Variants in SPAG16 observed in about 807,000 individuals in gnomAD.
SPAG16 encodes the protein sperm associated antigen 16.
SPAG16 carries 86 observed loss-of-function variants against 80.4 expected under a neutral mutation model. The observed-to-expected ratio is 1.07, with a 90% confidence interval of 0.90 to 1.28. The LOEUF is 1.28. SPAG16 is among the 50% of genes most tolerant of loss of function. SPAG16 has a pLI of 0.00. For synonymous variants in SPAG16, 294 were observed against 265.9 expected, an observed-to-expected ratio of 1.11 and a Z score of -1.03; for missense variants, 870 against 765.3, an observed-to-expected ratio of 1.14 and a Z score of -1.61.
intron 9 of SPAG16, among the ~76,000 whole-genome samples, chr2:213,435,493 T>C (rs1186547964): frequency 1.3e-5 from 2 of 152,184 alleles, no homozygotes; most frequent in Non-Finnish European, 2.9e-5. Context: ...TTACATGATA[T>C]ATCCATGTAA....
chr2:213,361,163 A>T (rs184727248), intron 7 of SPAG16, among the ~76,000 whole-genome samples: 1 of 152,110 alleles, frequency 6.6e-6, no homozygotes, highest in Non-Finnish European at 1.5e-5. Context: ...ACAGTGAATC[A>T]ACATTTATTT....
At chr2:213,395,383 T>C (rs183623694) in intron 9 of SPAG16, among the ~76,000 whole-genome samples, 1 of 152,332 alleles carries the variant, frequency 6.6e-6, no homozygotes, top group African/African-American at 2.4e-5. Context: ...CTCAGCATTG[T>C]TTTTGCTGAA....
intron 11 of SPAG16, among the ~76,000 whole-genome samples, chr2:213,907,475 C>A (rs1380807988): frequency 4.8e-5 from 7 of 145,940 alleles, no homozygotes; most frequent in Admixed American, 6.8e-5. Flanking sequence ...GGAGGTTTCT[C>A]AAAAAAAAAA....
At position 213,788,900 on chromosome 2, in the gene SPAG16, T is replaced by C. The variant is rs556317862; in HGVS notation, c.1071-73585T>C. Reference sequence around the variant, plus strand: ...TTCTCAAATTATTGTGCAATTTCCATAGGTAGAATCTTTCCATTTATATTA... The same window carrying C: ...TTCTCAAATTATTGTGCAATTTCCACAGGTAGAATCTTTCCATTTATATTA... On this transcript the variant is annotated intron_variant, in intron 10 of 15. Coordinates refer to ENST00000331683, the MANE Select transcript of SPAG16 (RefSeq NM_024532.5). Among the ~76,000 whole-genome samples the C allele has an allele frequency of 3.9e-4, 60 of 152,030 alleles. 1 individual carries two copies. The highest frequency in any genetic ancestry group is 1.4e-3 in the African/African-American group (59 of 41,552).
intron 10 of SPAG16, among the ~76,000 whole-genome samples, chr2:213,581,628 C>T (rs959116105): frequency 6.6e-6 from 1 of 152,104 alleles, no homozygotes; most frequent in Non-Finnish European, 1.5e-5. Context: ...GTCTCCACAT[C>T]TCATTCCCAG....
At chr2:213,547,279 A>C (rs1198366087) in intron 10 of SPAG16, among the ~76,000 whole-genome samples, 1 of 152,144 alleles carries the variant, frequency 6.6e-6, no homozygotes, top group African/African-American at 2.4e-5. Context: ...CAATTGTTCC[A>C]GTAAAAATAG....
chr2:214,246,329 C>G (rs1253175831), intron 15 of SPAG16, among the ~76,000 whole-genome samples: 1 of 152,118 alleles, frequency 6.6e-6, no homozygotes, highest in Admixed American at 6.6e-5. Context: ...CCAACATTCT[C>G]TTCCACAATG....
intron 15 of SPAG16, chr2:214,280,967 A>C (rs1576668307): frequency 4.5e-6 from 2 of 448,010 alleles, no homozygotes; most frequent in Middle Eastern, 1.5e-3. Context: ...CCTTGCTTTC[A>C]GAATCATAAC....
chr2:214,130,540 G>C (rs911669407), intron 14 of SPAG16, among the ~76,000 whole-genome samples: 5 of 152,214 alleles, frequency 3.3e-5, no homozygotes, highest in African/African-American at 7.2e-5. Flanking sequence ...TCGCTCTTCA[G>C]ATGTGGAGTA....
At chr2:213,626,804 C>T (rs1251004380) in intron 10 of SPAG16, among the ~76,000 whole-genome samples, 2 of 151,942 alleles carry the variant, frequency 1.3e-5, no homozygotes, top group Admixed American at 1.3e-4. Flanking sequence ...CATGCCACCA[C>T]ACCTGGCTAC....
At chr2:213,504,706 G>A (rs2074889472) in intron 10 of SPAG16, among the ~76,000 whole-genome samples, 1 of 152,176 alleles carries the variant, frequency 6.6e-6, no homozygotes, top group African/African-American at 2.4e-5. Flanking sequence ...CTATAAAACT[G>A]TATGTTCTAT....
At chr2:213,403,197 ATG>A in intron 9 of SPAG16, among the ~76,000 whole-genome samples, 1 of 152,210 alleles carries the variant, frequency 6.6e-6, no homozygotes, top group African/African-American at 2.4e-5. Context: ...AGCATTTTTC[ATG>A]TGTTTTTTGG....
intron 7 of SPAG16, among the ~76,000 whole-genome samples, chr2:213,363,183 G>A (rs2066082797): frequency 6.6e-6 from 1 of 151,992 alleles, no homozygotes; most frequent in Admixed American, 6.5e-5. Context: ...GATGTTAATG[G>A]GGGAAAAAGG....
chr2:214,057,803 A>G (rs1019477969), intron 13 of SPAG16, among the ~76,000 whole-genome samples: 34 of 152,220 alleles, frequency 2.2e-4, no homozygotes, highest in Admixed American at 3.3e-4. Flanking sequence ...TCTTCTAGAT[A>G]ACTTGCTGCA....
At chr2:214,029,479 G>A (rs1032894532) in intron 13 of SPAG16, among the ~76,000 whole-genome samples, 10 of 152,154 alleles carry the variant, frequency 6.6e-5, no homozygotes, top group Admixed American at 1.3e-4. Context: ...ACTAGTGGGC[G>A]GGGAGAGGGG....
At chr2:213,612,788 A>T (rs936959366) in intron 10 of SPAG16, among the ~76,000 whole-genome samples, 2 of 152,036 alleles carry the variant, frequency 1.3e-5, no homozygotes, top group African/African-American at 4.8e-5. Flanking sequence ...GGTTCAAGCG[A>T]TTCTCCTGCC....
chr2:213,603,742 A>G (rs2061152936), intron 10 of SPAG16, among the ~76,000 whole-genome samples: 2 of 152,220 alleles, frequency 1.3e-5, no homozygotes, highest in African/African-American at 2.4e-5. Flanking sequence ...TATAGAATAA[A>G]ATCCAAACTC....
At chr2:213,792,015 T>G (rs1559472439) in intron 10 of SPAG16, among the ~76,000 whole-genome samples, 2 of 152,206 alleles carry the variant, frequency 1.3e-5, no homozygotes, top group Non-Finnish European at 2.9e-5. Flanking sequence ...ACAAGATAGC[T>G]TCCCAAGCCA....
intron 15 of SPAG16, among the ~76,000 whole-genome samples, chr2:214,193,426 T>TGAGA (rs55774604): frequency 0.015 from 2,059 of 136,568 alleles, 30 homozygotes; most frequent in African/African-American, 0.045. Context: ...TGTGTGTGTA[T>TGAGA]GAGAGAGAGA....
Sources: allele counts gnomAD v4.1 joint callset (sites outside exome capture counted in the v4.1 genomes callset), GRCh38; gene constraint gnomAD v4.1.1; transcripts MANE v1.5; gene names NCBI Gene and HGNC (gene_info 2026-07-23, HGNC 2026-07-21).